The following MLLT10 variants were observed in gnomAD, a reference collection of about 807,000 sequenced individuals.
MLLT10 encodes the protein protein AF-10.
A neutral mutation model predicts 129.1 loss-of-function variants in MLLT10; 30 were observed. The ratio of observed to expected loss-of-function variants is 0.23; its 90% CI spans 0.17 to 0.32. The LOEUF (loss-of-function observed/expected upper bound fraction) is 0.32. MLLT10 is among the 10% of genes least tolerant of loss of function. The probability of loss-of-function intolerance (pLI) is 1.00; values close to 1 mark genes in which losing one functional copy is unlikely to be tolerated. For synonymous variants in MLLT10, 490 were observed against 446.4 expected, an observed-to-expected ratio of 1.10 and a Z score of -1.23; for missense variants, 1,119 against 1,268.3, an observed-to-expected ratio of 0.88 and a Z score of 1.79.
intron 5 of MLLT10, among the ~76,000 whole-genome samples, chr10:21,606,442 C>T (rs2044079434): frequency 1.3e-5 from 2 of 152,202 alleles, no homozygotes; most frequent in Admixed American, 1.3e-4. Flanking sequence ...TCTGATGGAT[C>T]TGGGCAAAGT....
In MLLT10 at chr10:21,738,634, T is replaced by C. The variant is rs982259541; in HGVS notation, c.2956-1396T>C. The C allele has an allele frequency of 3.3e-6, 3 of 904,936 alleles. No individual in the cohort carries two copies. In the African/African-American group the frequency reaches 5.4e-5, roughly 16 times the overall value. The allele number at this position is 904,936 out of a possible 1,614,324, so 56.1% of individuals were successfully genotyped here. On this transcript the variant is annotated intron_variant, in intron 21 of 22. Transcript: ENST00000307729. Reference sequence around the variant, plus strand: ...CTTGACTCTGCTTCCCCCAGATGACTTGCATGTTTGCTAAATCCAGTGGTC... The same window carrying C: ...CTTGACTCTGCTTCCCCCAGATGACCTGCATGTTTGCTAAATCCAGTGGTC...
intron 8 of MLLT10, 36 bp downstream of exon 8, chr10:21,617,243 T>C: frequency 4.1e-6 from 5 of 1,221,230 alleles, no homozygotes; most frequent in Non-Finnish European, 5.5e-6. Context: ...TTGTAGCACA[T>C]CTACTTAATA....
intron 12 of MLLT10, 57 bp from the exon 13 acceptor site, chr10:21,682,168 T>C: frequency 6.9e-7 from 1 of 1,457,970 alleles, no homozygotes; most frequent in Non-Finnish European, 9.5e-7. Context: ...GCTATGTATT[T>C]CTTTTGTGTG....
At chr10:21,696,157 C>A (rs2054340367) in intron 13 of MLLT10, among the ~76,000 whole-genome samples, 1 of 151,338 alleles carries the variant, frequency 6.6e-6, no homozygotes. Flanking sequence ...CCTGTTTGGC[C>A]TTTAAGTTTT....
intron 3 of MLLT10, among the ~76,000 whole-genome samples, chr10:21,564,080 G>A (rs1179893062): frequency 3.3e-5 from 5 of 152,048 alleles, no homozygotes; most frequent in East Asian, 1.9e-4. Flanking sequence ...CCAAAGTGCC[G>A]GGATTACAGG....
chr10:21,628,595 C>T (rs190065500), intron 8 of MLLT10, among the ~76,000 whole-genome samples: 2 of 151,888 alleles, frequency 1.3e-5, no homozygotes, highest in Non-Finnish European at 2.9e-5. Flanking sequence ...GCTTTTGCCA[C>T]GACGCCCAGC....
At chr10:21,730,133 C>T (rs879297312) in intron 16 of MLLT10, among the ~76,000 whole-genome samples, 6 of 151,438 alleles carry the variant, frequency 4.0e-5, no homozygotes, top group East Asian at 1.9e-4. Context: ...GCCGCCTCCC[C>T]GCCCAAAAAA....
In MLLT10 at chr10:21,740,213, G is replaced by A. The variant is rs1323303479; in HGVS notation, c.3139G>A (p.Asp1047Asn). Residue 1047 changes from aspartate (D) to asparagine (N), a missense_variant, in exon 22 of 23, where the codon GAT (aspartate) becomes AAT (asparagine). This residue lies in a region of MLLT10 where 1,004 missense variants were observed against 1,008.7 expected (regional missense o/e 1.00). Transcript: ENST00000307729. ...TTNPFLTIHG[D>N]NASQKVARLS... ...CAACCCATTTCTCACCATCCATGGA[G>A]ATAATGCAAGTCAGAAAGTAGCAGT... 2 of 1,614,138 alleles carry A rather than the reference G, an allele frequency of 1.2e-6. No individual in the cohort carries two copies. Among genetic ancestry groups the A allele is most frequent in the Admixed American group, 1.7e-5 (1 of 60,022 alleles).
chr10:21,654,195 G>A (rs893705930), intron 9 of MLLT10, among the ~76,000 whole-genome samples: 5 of 152,194 alleles, frequency 3.3e-5, no homozygotes, highest in African/African-American at 1.2e-4. Flanking sequence ...GAATGGGGGA[G>A]AAAAGTCAGA....
rs956530651 is a variant in MLLT10, at chr10:21,742,076, G to A, written c.*93G>A. ...CCTTTTACTACAGCTATGAAGAAAC[G>A]CAACAAGAAACTCAATGCACAACAA... On this transcript the variant is annotated 3_prime_UTR_variant, in exon 23 of 23. Coordinates refer to ENST00000307729, the MANE Select transcript of MLLT10 (RefSeq NM_001195626.3). 3.0e-5 allele frequency: 34 copies of A among 1,143,640 alleles called. No individual in the cohort carries two copies. The highest frequency in any genetic ancestry group is 4.0e-5 in the South Asian group (3 of 74,196). 70.8% of individuals were successfully genotyped at this position (1,143,640 alleles called of 1,614,324 possible). A position where few individuals can be genotyped will look rare whatever the true frequency, so the allele number is the denominator to read the frequency against.
At chr10:21,730,812 C>A in intron 16 of MLLT10, 88 bp from the exon 17 acceptor site, 1 of 1,426,886 alleles carries the variant, frequency 7.0e-7, no homozygotes, top group Non-Finnish European at 9.8e-7. Flanking sequence ...AAAACTCATA[C>A]AGGAGAAAAG....
chr10:21,548,843 T>C (rs923592262), intron 3 of MLLT10, among the ~76,000 whole-genome samples: 1 of 152,208 alleles, frequency 6.6e-6, no homozygotes, highest in Admixed American at 6.5e-5. Flanking sequence ...TTTGAAGAAT[T>C]ATATTCGTTT....
chr10:21,615,200 G>A (rs1366570276), intron 7 of MLLT10, among the ~76,000 whole-genome samples: 2 of 152,142 alleles, frequency 1.3e-5, no homozygotes, highest in Middle Eastern at 3.4e-3. Context: ...GCTCACACCT[G>A]TAATCCCAGC....
intron 3 of MLLT10, among the ~76,000 whole-genome samples, chr10:21,542,328 G>A (rs1032063974): frequency 3.9e-5 from 6 of 152,182 alleles, no homozygotes; most frequent in African/African-American, 1.2e-4. Flanking sequence ...CAGCACTTTG[G>A]GAGGCTCAGG....
intron 16 of MLLT10, among the ~76,000 whole-genome samples, chr10:21,730,211 C>T (rs2057847368): frequency 1.3e-5 from 2 of 150,412 alleles, no homozygotes; most frequent in African/African-American, 4.9e-5. Flanking sequence ...GGGAGGATTG[C>T]TTGAACCCAG....
At chr10:21,604,597 A>G (rs1221976499) in intron 5 of MLLT10, among the ~76,000 whole-genome samples, 2 of 152,184 alleles carry the variant, frequency 1.3e-5, no homozygotes, top group African/African-American at 2.4e-5. Context: ...AAAAAAAATA[A>G]TAATAACTTC....
At chr10:21,701,086 A>G (rs115606753) in intron 13 of MLLT10, among the ~76,000 whole-genome samples, 1,775 of 151,790 alleles carry the variant, frequency 0.012, 27 homozygotes, top group African/African-American at 0.04. Flanking sequence ...GAATTCATCA[A>G]TTTTCTCTAG....
intron 13 of MLLT10, among the ~76,000 whole-genome samples, chr10:21,688,841 C>T (rs1589650996): frequency 2.0e-5 from 3 of 152,200 alleles, no homozygotes; most frequent in South Asian, 2.1e-4. Context: ...CCACTTTGTA[C>T]ACCTGTGTCC....
At chr10:21,630,684 C>A (rs1184038004) in intron 8 of MLLT10, among the ~76,000 whole-genome samples, 1 of 152,202 alleles carries the variant, frequency 6.6e-6, no homozygotes, top group Non-Finnish European at 1.5e-5. Flanking sequence ...TTTGCTATTG[C>A]CACGAGTATT....
Sources: gnomAD v4.1 joint callset for allele counts (sites outside exome capture counted in the v4.1 genomes callset) on GRCh38, gnomAD v4.1.1 for gene constraint, gnomAD v4.1.1 regional missense constraint, MANE v1.5 for transcripts, NCBI Gene and HGNC (gene_info 2026-07-23, HGNC 2026-07-21) for gene names.